IGF2BP2: variants seen among roughly 807,000 people sequenced by gnomAD.
IGF2BP2 encodes the protein insulin-like growth factor 2 mRNA-binding protein 2.
In IGF2BP2, 17 loss-of-function variants were observed where a neutral mutation model predicts 75.8. The observed-to-expected ratio is 0.22, with a 90% CI of 0.15 to 0.34. IGF2BP2 has a LOEUF of 0.34. Ranked by LOEUF, IGF2BP2 falls within the 10% of genes least tolerant of loss-of-function variation. IGF2BP2 has a pLI of 1.00. For synonymous variants in IGF2BP2, 288 were observed against 295.6 expected (o/e 0.97, Z 0.26); for missense variants, 516 against 772.4 (o/e 0.67, Z 3.93).
intron 2 of IGF2BP2, among the ~76,000 whole-genome samples, chr3:185,739,676 C>G (rs1729287626): frequency 6.6e-6 from 1 of 152,128 alleles, no homozygotes; most frequent in Non-Finnish European, 1.5e-5. Context: ...CGCGAAGCTT[C>G]TCTTTCTGTC....
Position 185,793,899 on chromosome 3 carries a change from G to T in IGF2BP2, c.239+29254C>A, listed in dbSNP as rs4402960. Among the ~76,000 whole-genome samples the T allele has an allele frequency of 0.38, 56,695 of 150,916 alleles. 11,250 individuals are homozygous for T. The highest frequency in any genetic ancestry group is 0.52 in the African/African-American group (21,356 of 41,014). ...AGTAAGGTAGGATGGACAGTAGATT[G>T]AAGATACTGATTGTGTTTGCAAACA... On this transcript the variant is annotated intron_variant, in intron 2 of 15. Transcript: ENST00000382199.
At chr3:185,655,896 A>G (rs1368027871) in intron 12 of IGF2BP2, among the ~76,000 whole-genome samples, 2 of 152,210 alleles carry the variant, frequency 1.3e-5, no homozygotes, top group East Asian at 1.9e-4. Flanking sequence ...CATGGGCAAT[A>G]GTAAATGAAG....
intron 2 of IGF2BP2, among the ~76,000 whole-genome samples, chr3:185,710,141 C>T (rs1354900596): frequency 1.4e-5 from 2 of 146,050 alleles, no homozygotes; most frequent in Non-Finnish European, 3.0e-5. Context: ...TTTCCTAGCT[C>T]GTAGTTTTAG....
At chr3:185,715,923 G>T (rs1368595593) in intron 2 of IGF2BP2, among the ~76,000 whole-genome samples, 3 of 152,118 alleles carry the variant, frequency 2.0e-5, no homozygotes, top group Non-Finnish European at 4.4e-5. Context: ...TGGGATTATA[G>T]CTGTGAGCCA....
rs1159568857 is a variant in IGF2BP2 at position 185,707,295 on chromosome 3, C to CTTTTTTTTTT, written c.240-8958_240-8949dup. 1.8e-4 allele frequency among the ~76,000 whole-genome samples: 7 copies of CTTTTTTTTTT among 39,854 alleles called. 2 individuals are homozygous for CTTTTTTTTTT. The highest frequency in any genetic ancestry group is 2.5e-3 in the South Asian group (2 of 794). 26.1% of individuals were successfully genotyped at this position (39,854 alleles called of 152,430 possible). A position where few individuals can be genotyped will look rare whatever the true frequency, so the allele number is the denominator to read the frequency against. On this transcript the variant is annotated intron_variant, in intron 2 of 15. Transcript: ENST00000382199. ...TTATATTCAGTGTGTAACGAAGGGG[C>CTTTTTTTTTT]TTTTTTTTTTTTTTTTTTTTTTTTT...
chr3:185,802,197 G>C (rs1490264205), intron 2 of IGF2BP2, among the ~76,000 whole-genome samples: 1 of 150,320 alleles, frequency 6.7e-6, no homozygotes, highest in Non-Finnish European at 1.5e-5. Flanking sequence ...AAGAAATCTG[G>C]AAGGTAAACC....
At chr3:185,714,778 T>C (rs1313288353) in intron 2 of IGF2BP2, among the ~76,000 whole-genome samples, 1 of 152,128 alleles carries the variant, frequency 6.6e-6, no homozygotes, top group Non-Finnish European at 1.5e-5. Context: ...CAAGACTCCA[T>C]CCCTATCAAA....
intron 13 of IGF2BP2, among the ~76,000 whole-genome samples, chr3:185,649,892 G>C (rs1714274590): frequency 6.6e-6 from 1 of 152,164 alleles, no homozygotes; most frequent in South Asian, 2.1e-4. Flanking sequence ...TTGATTGACT[G>C]AATTTGTTCA....
At chr3:185,707,705 GA>G (rs1320285590) in intron 2 of IGF2BP2, among the ~76,000 whole-genome samples, 2 of 151,962 alleles carry the variant, frequency 1.3e-5, no homozygotes, top group Non-Finnish European at 2.9e-5. Flanking sequence ...TTTTTGGGAG[GA>G]GGGGGTCAAG....
chr3:185,796,538 C>A (rs1440705051), intron 2 of IGF2BP2, among the ~76,000 whole-genome samples: 1 of 136,892 alleles, frequency 7.3e-6, no homozygotes, highest in Non-Finnish European at 1.5e-5. Context: ...GCACTCCAGC[C>A]TGGGTGACAG....
rs561758663 is a variant in IGF2BP2 at position 185,770,297 on chromosome 3, C to T, written c.239+52856G>A. ...ACTGGTCGAGCAGGACCGGCCAACC[C>T]GAGGGAGCATATCTGGTGATTTACG... On this transcript the variant is annotated intron_variant, in intron 2 of 15. Coordinates refer to ENST00000382199, the MANE Select transcript of IGF2BP2 (RefSeq NM_006548.6). Among the ~76,000 whole-genome samples the T allele has an allele frequency of 7.2e-5, 11 of 152,234 alleles. No individual in the cohort carries two copies. In the South Asian group the frequency reaches 1.9e-3, roughly 26 times the overall value.
In IGF2BP2 at chr3:185,653,182, T is replaced by C. The variant is rs145152382; in HGVS notation, c.1387-1014A>G. On this transcript the variant is annotated intron_variant, in intron 12 of 15. Transcript: ENST00000382199. ...TTCTCTTGTAACACGACTCAAACCC[T>C]GGGCTGAGCAGGCATTTTTGTTAGA... is the stretch of plus-strand genomic sequence containing the variant. 2.7e-3 allele frequency among the ~76,000 whole-genome samples: 405 copies of C among 152,136 alleles called. 1 individual carries two copies. The highest frequency in any genetic ancestry group is 9.2e-3 in the African/African-American group (384 of 41,526).
chr3:185,808,642 C>T (rs1488515252), intron 2 of IGF2BP2, among the ~76,000 whole-genome samples: 1 of 151,912 alleles, frequency 6.6e-6, no homozygotes, highest in Admixed American at 6.6e-5. Flanking sequence ...TCACTGCAAT[C>T]TCTGCCTCCC....
At chr3:185,648,435 C>T (rs974820329) in intron 14 of IGF2BP2, among the ~76,000 whole-genome samples, 1 of 150,198 alleles carries the variant, frequency 6.7e-6, no homozygotes, top group Non-Finnish European at 1.5e-5. Flanking sequence ...TGCACTCCAG[C>T]CTGGGTGACA....
intron 2 of IGF2BP2, among the ~76,000 whole-genome samples, chr3:185,731,907 G>C (rs1164514948): frequency 1.3e-5 from 2 of 151,992 alleles, no homozygotes; most frequent in African/African-American, 4.8e-5. Context: ...GCGTGAATCC[G>C]GGAGGCAGAG....
At chr3:185,818,614 G>C (rs190907392) in intron 2 of IGF2BP2, among the ~76,000 whole-genome samples, 3 of 152,262 alleles carry the variant, frequency 2.0e-5, no homozygotes, top group East Asian at 1.9e-4. Context: ...CTGAAACAGA[G>C]AGAGGAAACA....
At chr3:185,737,262 C>A (rs990291204) in intron 2 of IGF2BP2, among the ~76,000 whole-genome samples, 1 of 152,208 alleles carries the variant, frequency 6.6e-6, no homozygotes, top group Non-Finnish European at 1.5e-5. Flanking sequence ...TAAATTCCTT[C>A]CAATCTGTCA....
intron 7 of IGF2BP2, among the ~76,000 whole-genome samples, chr3:185,679,722 T>C (rs1300158351): frequency 2.0e-5 from 3 of 152,192 alleles, no homozygotes; most frequent in Non-Finnish European, 4.4e-5. Flanking sequence ...GCTAAAGTGA[T>C]TCTCCTGCCT....
intron 2 of IGF2BP2, among the ~76,000 whole-genome samples, chr3:185,774,153 G>C (rs568692702): frequency 4.6e-5 from 7 of 152,140 alleles, no homozygotes; most frequent in African/African-American, 7.2e-5. Flanking sequence ...CCTTACTCCA[G>C]TTCATACAAT....
Sources: gnomAD v4.1 joint callset for allele counts (sites outside exome capture counted in the v4.1 genomes callset) on GRCh38, gnomAD v4.1.1 for gene constraint, MANE v1.5 for transcripts, NCBI Gene and HGNC (gene_info 2026-07-23, HGNC 2026-07-21) for gene names.